MRPS6: variants seen among roughly 807,000 people sequenced by gnomAD.
The protein encoded by MRPS6 is mitochondrial ribosomal protein S6.
In MRPS6, 6 loss-of-function variants were observed where a neutral mutation model predicts 13.1. The observed-to-expected ratio is 0.46, with a 90% CI of 0.25 to 0.91. The LOEUF (loss-of-function observed/expected upper bound fraction) is 0.91. Among genes scored for constraint, MRPS6 ranks in the 40% least tolerant of loss-of-function variants. The pLI, the probability that MRPS6 is intolerant of heterozygous loss-of-function variation, is 0.18. For synonymous variants in MRPS6, 61 were observed against 56.5 expected (o/e 1.08, Z -0.36); for missense variants, 164 against 155.6 (o/e 1.05, Z -0.29).
intron 1 of MRPS6, chr21:34,122,876 G>A (rs1980169111): frequency 6.6e-6 from 1 of 152,186 alleles, no homozygotes; most frequent in Non-Finnish European, 1.5e-5. Flanking sequence ...CTCTGCAGAT[G>A]TATGGCGATG....
intron 2 of MRPS6, among the ~76,000 whole-genome samples, chr21:34,137,692 T>C (rs1391843006): frequency 6.6e-6 from 1 of 152,176 alleles, no homozygotes; most frequent in East Asian, 1.9e-4. Flanking sequence ...CATTTAGATA[T>C]TCACCAGCTG....
chr21:34,089,116 T>A (rs2148656765), intron 1 of MRPS6, among the ~76,000 whole-genome samples: 1 of 150,978 alleles, frequency 6.6e-6, no homozygotes, highest in Non-Finnish European at 1.5e-5. Context: ...AACCTCCACC[T>A]CTCTGGGTTC....
rs753276201 is a variant in MRPS6 at position 34,095,882 on chromosome 21, A to C, written c.45+22137A>C. 2.2e-5 allele frequency: 35 copies of C among 1,613,946 alleles called. No individual in the cohort carries two copies. The South Asian group carries it at 3.4e-4, about 16-fold the overall frequency. On this transcript the variant is annotated intron_variant, in intron 1 of 2. Coordinates refer to ENST00000399312, the MANE Select transcript of MRPS6 (RefSeq NM_032476.4). ...CCTCACCCGATGTCACTTCCATCTT[A>C]TTGACATACAACCTTTCCAACACAA... is the stretch of plus-strand genomic sequence containing the variant.
chr21:34,129,024 CG>C (rs1236437922), intron 2 of MRPS6, among the ~76,000 whole-genome samples: 1 of 152,166 alleles, frequency 6.6e-6, no homozygotes, highest in African/African-American at 2.4e-5. Flanking sequence ...TGTGTCTGCA[CG>C]TGCTCACCCT....
At chr21:34,077,730 T>A (rs1362942753) in intron 1 of MRPS6, among the ~76,000 whole-genome samples, 2 of 152,200 alleles carry the variant, frequency 1.3e-5, no homozygotes, top group Non-Finnish European at 2.9e-5. Context: ...AGTACTTTGG[T>A]AGGGTAAGGA....
chr21:34,100,718 C>G lies in MRPS6; in HGVS notation c.46-24623C>G, dbSNP rs112609870. The G allele has an allele frequency of 5.5e-3, 5,454 of 1,000,172 alleles. 107 individuals are homozygous for G. The South Asian group carries it at 0.078, about 14-fold the overall frequency. 62.0% of individuals were successfully genotyped at this position (1,000,172 alleles called of 1,614,324 possible). A position where few individuals can be genotyped will look rare whatever the true frequency, so the allele number is the denominator to read the frequency against. ...AACTTGAGGCTAAGCAAGGGGTTAA[C>G]TCTTGTGAGAGCCAATAGAGTGTGT... On this transcript the variant is annotated intron_variant, in intron 1 of 2. Coordinates refer to ENST00000399312, the MANE Select transcript of MRPS6 (RefSeq NM_032476.4).
chr21:34,099,707 A>T (rs1225006771), intron 1 of MRPS6: 31 of 998,118 alleles, frequency 3.1e-5, no homozygotes, highest in Admixed American at 6.2e-5. Flanking sequence ...CATAAGGTAC[A>T]TCATCTTGTG....
chr21:34,136,308 T>TGGC (rs1259893482), intron 2 of MRPS6, among the ~76,000 whole-genome samples: 1 of 151,998 alleles, frequency 6.6e-6, no homozygotes, highest in Non-Finnish European at 1.5e-5. Flanking sequence ...CCACCATGCC[T>TGGC]GGCTAATTTT....
intron 1 of MRPS6, among the ~76,000 whole-genome samples, chr21:34,082,739 CT>C (rs976652933): frequency 6.6e-6 from 1 of 151,774 alleles, no homozygotes; most frequent in African/African-American, 2.4e-5. Flanking sequence ...CTTTTTTTGT[CT>C]TTTTTTTCAC....
At chr21:34,080,872 C>T (rs1253706498) in intron 1 of MRPS6, among the ~76,000 whole-genome samples, 1 of 152,208 alleles carries the variant, frequency 6.6e-6, no homozygotes, top group Non-Finnish European at 1.5e-5. Context: ...TAGTAGTTTG[C>T]TTACAAGTCA....
intron 1 of MRPS6, among the ~76,000 whole-genome samples, chr21:34,092,641 A>G (rs1394374022): frequency 6.6e-6 from 1 of 152,248 alleles, no homozygotes; most frequent in African/African-American, 2.4e-5. Flanking sequence ...ACAATGAAGA[A>G]CAATGTTACT....
At chr21:34,084,995 T>G (rs940416406) in intron 1 of MRPS6, among the ~76,000 whole-genome samples, 2 of 152,238 alleles carry the variant, frequency 1.3e-5, no homozygotes, top group African/African-American at 2.4e-5. Context: ...AGGGCCTTCC[T>G]CCTAACCACA....
intron 2 of MRPS6, chr21:34,135,517 A>G (rs1487345263): frequency 1.2e-5 from 6 of 507,070 alleles, no homozygotes; most frequent in Non-Finnish European, 2.4e-5. Context: ...GGCAGTGATG[A>G]GCTCATCTGC....
chr21:34,126,321 T>C (rs1255661963), intron 2 of MRPS6, among the ~76,000 whole-genome samples: 1 of 152,230 alleles, frequency 6.6e-6, no homozygotes, highest in African/African-American at 2.4e-5. Context: ...TGCTTGTAGT[T>C]ATGTGAGTCG....
intron 1 of MRPS6, among the ~76,000 whole-genome samples, chr21:34,087,411 C>G (rs886722202): frequency 6.6e-6 from 1 of 152,096 alleles, no homozygotes; most frequent in Non-Finnish European, 1.5e-5. Context: ...ATTTGAGCAC[C>G]TGTAATATGT....
At chr21:34,105,740 A>G (rs1256773478) in intron 1 of MRPS6, 1 of 998,192 alleles carries the variant, frequency 1.0e-6, no homozygotes, top group Non-Finnish European at 1.2e-6. Context: ...TCTGTTGTCT[A>G]CAGCTTTTTT....
chr21:34,137,075 CT>C (rs1009825153), intron 2 of MRPS6, among the ~76,000 whole-genome samples: 12 of 152,108 alleles, frequency 7.9e-5, no homozygotes, highest in Non-Finnish European at 1.5e-4. Flanking sequence ...ATGGCCATAG[CT>C]TTATAATAAG....
intron 1 of MRPS6, among the ~76,000 whole-genome samples, chr21:34,087,104 T>C (rs1306025310): frequency 6.6e-6 from 1 of 152,144 alleles, no homozygotes; most frequent in Non-Finnish European, 1.5e-5. Context: ...TTGAGGGAGA[T>C]GGTGGCTCCA....
chr21:34,108,030 G>A (rs112347982), intron 1 of MRPS6, among the ~76,000 whole-genome samples: 1,772 of 152,278 alleles, frequency 0.012, 38 homozygotes, highest in South Asian at 0.081. Flanking sequence ...AATGGACGAC[G>A]TATATGATGG....
Sources: gnomAD v4.1 joint callset for allele counts (sites outside exome capture counted in the v4.1 genomes callset) on GRCh38, gnomAD v4.1.1 for gene constraint, MANE v1.5 for transcripts, NCBI Gene and HGNC (gene_info 2026-07-23, HGNC 2026-07-21) for gene names.